Variants in NOL10 observed in about 807,000 individuals in gnomAD.
The protein encoded by NOL10 is H_NH0074G24.1.
Under a neutral mutation model 103.5 loss-of-function variants are expected in NOL10, and 58 were observed. That is an observed-to-expected ratio of 0.56 (90% CI 0.45 to 0.70). The LOEUF (loss-of-function observed/expected upper bound fraction) is 0.70. Among genes scored for constraint, NOL10 ranks in the 30% least tolerant of loss-of-function variants. The pLI is 0.00. For synonymous variants in NOL10, 287 were observed against 282.5 expected, an observed-to-expected ratio of 1.02 and a Z score of -0.16; for missense variants, 763 against 807.3, an observed-to-expected ratio of 0.95 and a Z score of 0.67.
intron 8 of NOL10, among the ~76,000 whole-genome samples, chr2:10,666,640 A>G (rs553935351): frequency 6.6e-6 from 1 of 152,276 alleles, no homozygotes; most frequent in African/African-American, 2.4e-5. Flanking sequence ...TTTTTTTAAA[A>G]TTAGTTTAGC....
At chr2:10,685,580 A>G (rs561247658) in intron 1 of NOL10, among the ~76,000 whole-genome samples, 49 of 151,504 alleles carry the variant, frequency 3.2e-4, no homozygotes, top group African/African-American at 1.0e-3. Flanking sequence ...CATTAAAAAT[A>G]CAACAAAAGC....
At chr2:10,621,493 C>G (rs1433653396) in intron 13 of NOL10, among the ~76,000 whole-genome samples, 1 of 152,122 alleles carries the variant, frequency 6.6e-6, no homozygotes, top group Non-Finnish European at 1.5e-5. Flanking sequence ...ACTTGGGAGA[C>G]TGAGGTTGGG....
At position 10,671,679 on chromosome 2, in the gene NOL10, T is replaced by A; in HGVS notation, c.339A>T (p.Leu113Phe). The change falls in exon 6 of 21, where the codon TTA becomes TTT. Residue 113 changes from leucine (L) to phenylalanine (F), a missense_variant. By Grantham distance (22) the Leu-to-Phe change is conservative. Coordinates refer to ENST00000381685, the MANE Select transcript of NOL10 (RefSeq NM_024894.4). ...LSDDYSKIVF[L>F]HNDRYIEFHS... is the part of the protein sequence containing the mutation. The stretch of plus-strand genomic sequence containing the variant: ...GAAATTCAATGTATCTATCATTATG[T>A]AAGAAGACAATCTGAAAATAAAACA... The A allele has an allele frequency of 1.3e-6, 2 of 1,563,386 alleles. No homozygotes were observed. The highest frequency in any genetic ancestry group is 1.7e-6 in the Non-Finnish European group (2 of 1,152,208).
At position 10,670,192 on chromosome 2, in the gene NOL10, T is replaced by C. The variant is rs370579521; in HGVS notation, c.464+1362A>G. ...GCACCATACTAACAGAAGCCAAAGA[T>C]ATCACTCCTAAATGAGTCACATGTA... On this transcript the variant is annotated intron_variant, in intron 6 of 20. Coordinates refer to ENST00000381685, the MANE Select transcript of NOL10 (RefSeq NM_024894.4). 2.0e-5 allele frequency among the ~76,000 whole-genome samples: 3 copies of C among 152,306 alleles called. No individual in the cohort carries two copies. The East Asian group carries it at 5.8e-4, about 29-fold the overall frequency.
At chr2:10,613,989 TC>T (rs1676706913) in intron 13 of NOL10, among the ~76,000 whole-genome samples, 1 of 151,180 alleles carries the variant, frequency 6.6e-6, no homozygotes, top group South Asian at 2.1e-4. Context: ...AGAAGGAGTC[TC>T]ACTCTGTCAC....
At chr2:10,610,644 A>C (rs1209647162) in intron 13 of NOL10, among the ~76,000 whole-genome samples, 1 of 152,236 alleles carries the variant, frequency 6.6e-6, no homozygotes, top group East Asian at 1.9e-4. Flanking sequence ...ATTAAGTTTC[A>C]AAAACAGTGG....
Position 10,669,874 on chromosome 2 carries a change from G to C in NOL10, c.465-1151C>G, listed in dbSNP as rs953346993. 2.0e-4 allele frequency among the ~76,000 whole-genome samples: 30 copies of C among 151,390 alleles called. No individual in the cohort carries two copies. In the East Asian group the frequency reaches 5.5e-3, roughly 28 times the overall value. On this transcript the variant is annotated intron_variant, in intron 6 of 20. Transcript: ENST00000381685. ...ACCACTGCACTCCAGCCTGGCGACAGAGCGAGACTCCATCTCAAATAATAA... is the reference window on the plus strand; with the variant it reads ...ACCACTGCACTCCAGCCTGGCGACACAGCGAGACTCCATCTCAAATAATAA...
intron 13 of NOL10, among the ~76,000 whole-genome samples, chr2:10,630,671 TGC>T (rs1677779078): frequency 6.6e-6 from 1 of 152,056 alleles, no homozygotes; most frequent in Non-Finnish European, 1.5e-5. Flanking sequence ...GCTGAGATCG[TGC>T]CACTGCCCTC....
chr2:10,609,897 A>G (rs889347524), intron 13 of NOL10, among the ~76,000 whole-genome samples: 1 of 152,180 alleles, frequency 6.6e-6, no homozygotes, highest in African/African-American at 2.4e-5. Flanking sequence ...AATTTTTAGT[A>G]CCTAGAACAG....
chr2:10,572,897 G>A (rs1674254883), intron 20 of NOL10, among the ~76,000 whole-genome samples: 2 of 152,184 alleles, frequency 1.3e-5, no homozygotes, highest in African/African-American at 2.4e-5. Context: ...TCACATGGGA[G>A]CTGGAACTCC....
chr2:10,574,934 A>C (rs901304207), intron 20 of NOL10, among the ~76,000 whole-genome samples: 1 of 152,226 alleles, frequency 6.6e-6, no homozygotes, highest in African/African-American at 2.4e-5. Flanking sequence ...TCTGCAGACA[A>C]ATTTCCATGC....
chr2:10,654,403 T>C (rs1036676469), intron 12 of NOL10, 78 bp downstream of exon 12: 1 of 1,056,346 alleles, frequency 9.5e-7, no homozygotes, highest in African/African-American at 1.7e-5. Context: ...TATAGCCTTT[T>C]TATTTGTCTC....
rs1674192872 is a variant in NOL10, at chr2:10,571,818, C to T, written c.*253G>A. ...CCAGCCTGGTTTTCATGATTAACGC[C>T]GTGGGGAAAGGACAATGTTTCCAGG... On this transcript the variant is annotated 3_prime_UTR_variant, in exon 21 of 21. Transcript: ENST00000381685. The T allele has an allele frequency of 1.1e-5, 4 of 352,526 alleles. No individual in the cohort carries two copies. Among genetic ancestry groups the T allele is most frequent in the African/African-American group, 6.3e-5 (3 of 47,520 alleles). The allele number at this position is 352,526 out of a possible 1,614,324, so 21.8% of individuals were successfully genotyped here. A position where few individuals can be genotyped will look rare whatever the true frequency, so the allele number is the denominator to read the frequency against.
intron 3 of NOL10, among the ~76,000 whole-genome samples, chr2:10,677,017 C>A (rs1055136639): frequency 9.2e-5 from 14 of 151,626 alleles, no homozygotes; most frequent in Non-Finnish European, 2.1e-4. Context: ...CAGCTCACTG[C>A]AACCTCTGCT....
At chr2:10,686,853 G>T (rs73169922) in intron 1 of NOL10, among the ~76,000 whole-genome samples, 2 of 139,590 alleles carry the variant, frequency 1.4e-5, no homozygotes, top group African/African-American at 2.5e-5. Context: ...GGGGAAATGT[G>T]GGGGGAAAGC....
chr2:10,575,521 G>A (rs1384983107), intron 20 of NOL10, among the ~76,000 whole-genome samples: 1 of 152,148 alleles, frequency 6.6e-6, no homozygotes, highest in South Asian at 2.1e-4. Context: ...CAAAGCCTCT[G>A]CTTGATTCAG....
intron 10 of NOL10, 91 bp from the exon 11 acceptor site, chr2:10,657,982 C>A (rs891331502): frequency 3.0e-6 from 3 of 999,400 alleles, no homozygotes; most frequent in Admixed American, 5.6e-5. Context: ...CCATTTGCTT[C>A]ATCGCTTTGT....
chr2:10,573,723 T>C (rs1463858330), intron 20 of NOL10, among the ~76,000 whole-genome samples: 3 of 151,738 alleles, frequency 2.0e-5, no homozygotes, highest in Non-Finnish European at 4.4e-5. Context: ...TTCTGCATAA[T>C]TCTTAAGTCC....
At chr2:10,617,343 G>T (rs933358875) in intron 13 of NOL10, among the ~76,000 whole-genome samples, 1 of 152,208 alleles carries the variant, frequency 6.6e-6, no homozygotes, top group Non-Finnish European at 1.5e-5. Flanking sequence ...TCTGGCAGAG[G>T]CTGGGCGACT....
Sources: gnomAD v4.1 joint callset for allele counts (sites outside exome capture counted in the v4.1 genomes callset) on GRCh38, gnomAD v4.1.1 for gene constraint, MANE v1.5 for transcripts, NCBI Gene and HGNC (gene_info 2026-07-23, HGNC 2026-07-21) for gene names.